KAT6B: variants seen among roughly 807,000 people sequenced by gnomAD.
The protein encoded by KAT6B is histone acetyltransferase KAT6B.
A neutral mutation model predicts 187.5 loss-of-function variants in KAT6B; 10 were observed. The observed-to-expected ratio is 0.05, with a 90% CI of 0.03 to 0.09. The LOEUF (loss-of-function observed/expected upper bound fraction) is 0.09, where lower values mean the gene tolerates loss of function less well. Among genes scored for constraint, KAT6B ranks in the 10% least tolerant of loss-of-function variants. KAT6B has a pLI of 1.00. For missense variants in KAT6B, 1,952 were observed against 2,558.9 expected, an observed-to-expected ratio of 0.76 and a Z score of 5.12; for synonymous variants, 861 against 926.8, an observed-to-expected ratio of 0.93 and a Z score of 1.29.
chr10:74,890,536 C>T (rs144817601), intron 3 of KAT6B, among the ~76,000 whole-genome samples: 3,092 of 152,076 alleles, frequency 0.02, 71 homozygotes, highest in Middle Eastern at 0.058. Context: ...AGCAAGACTC[C>T]GTCTCAAAAC....
intron 3 of KAT6B, among the ~76,000 whole-genome samples, chr10:74,928,089 A>G (rs1848628404): frequency 6.6e-6 from 1 of 152,204 alleles, no homozygotes; most frequent in South Asian, 2.1e-4. Flanking sequence ...GGAAAAGTAA[A>G]TTTCATTTTG....
chr10:74,912,353 T>C lies in KAT6B; in HGVS notation c.622-47617T>C, dbSNP rs935100159. ...AGATAGATGAAGGTTGAAGGATGGA[T>C]GGATAGATTAAATGGATGGATGGAT... is the stretch of plus-strand genomic sequence containing the variant. On this transcript the variant is annotated intron_variant, in intron 3 of 17. Coordinates refer to ENST00000287239, the MANE Select transcript of KAT6B (RefSeq NM_012330.4). Among the ~76,000 whole-genome samples the C allele has an allele frequency of 2.7e-5, 4 of 146,484 alleles. No individual in the cohort carries two copies. In the Admixed American group the frequency reaches 2.8e-4, roughly 10 times the overall value.
chr10:74,919,605 G>A lies in KAT6B; in HGVS notation c.622-40365G>A, dbSNP rs151080248. On this transcript the variant is annotated intron_variant, in intron 3 of 17. Coordinates refer to ENST00000287239, the MANE Select transcript of KAT6B (RefSeq NM_012330.4). ...TTTAGTAGAGATGGGATTTCATCATGTTGGCCAGGCTGGTCTTGAACTCCT... is the reference window on the plus strand; with the variant it reads ...TTTAGTAGAGATGGGATTTCATCATATTGGCCAGGCTGGTCTTGAACTCCT... Among the ~76,000 whole-genome samples the A allele has an allele frequency of 1.4e-3, 214 of 152,238 alleles. 1 individual carries two copies. The highest frequency in any genetic ancestry group is 4.5e-3 in the African/African-American group (187 of 41,560).
chr10:74,870,131 TAGAC>T (rs1017029135), intron 3 of KAT6B, among the ~76,000 whole-genome samples: 4 of 151,776 alleles, frequency 2.6e-5, no homozygotes, highest in Non-Finnish European at 5.9e-5. Context: ...ATACAAAAAT[TAGAC>T]AGGTGTGATG....
Position 75,029,584 on chromosome 10 carries a change from C to T in KAT6B, c.4760C>T (p.Thr1587Met), listed in dbSNP as rs145636342. 43 of 1,614,180 alleles carry T rather than the reference C, an allele frequency of 2.7e-5. No homozygotes were observed. In the African/African-American group the frequency reaches 2.8e-4, roughly 11 times the overall value. The change falls in exon 18 of 18, where the codon ACG (threonine) becomes ATG (methionine). Residue 1587 changes from threonine to methionine, a missense_variant. Thr to Met is a moderately conservative substitution (Grantham distance 81). This residue lies in a region of KAT6B where 758 missense variants were observed against 891.4 expected (regional missense o/e 0.85). Transcript: ENST00000287239. This position sits in a 1 kb window ranked among gnomAD's most constrained non-coding sequence, Gnocchi z 6.2. ...RADQSPQIAT[T>M]LDDCQQSDHS... Reference sequence around the variant, plus strand: ...GACCAAAGTCCACAGATTGCCACCACGCTCGACGATTGCCAACAGTCGGAC... The same window carrying T: ...GACCAAAGTCCACAGATTGCCACCATGCTCGACGATTGCCAACAGTCGGAC...
At chr10:74,896,431 C>T (rs1845993415) in intron 3 of KAT6B, among the ~76,000 whole-genome samples, 1 of 152,082 alleles carries the variant, frequency 6.6e-6, no homozygotes, top group Non-Finnish European at 1.5e-5. Flanking sequence ...GCCGGGACTA[C>T]AGGACACGCC....
At chr10:74,905,869 C>T in intron 3 of KAT6B, among the ~76,000 whole-genome samples, 1 of 152,176 alleles carries the variant, frequency 6.6e-6, no homozygotes, top group Admixed American at 6.5e-5. Context: ...CCACTCCTTC[C>T]ATCCATGCCT....
intron 3 of KAT6B, among the ~76,000 whole-genome samples, chr10:74,941,355 T>A (rs1849657868): frequency 6.6e-6 from 1 of 152,230 alleles, no homozygotes; most frequent in East Asian, 1.9e-4. Context: ...GAACCAACAT[T>A]TTCTGCCAAT....
chr10:74,887,551 C>T (rs1192684423), intron 3 of KAT6B, among the ~76,000 whole-genome samples: 1 of 152,106 alleles, frequency 6.6e-6, no homozygotes, highest in Non-Finnish European at 1.5e-5. Context: ...TCCTGAACTC[C>T]TGACCTCAGG....
upstream of KAT6B, among the ~76,000 whole-genome samples, chr10:74,825,858 A>C (rs1589417593): frequency 5.4e-5 from 3 of 55,622 alleles, no homozygotes; most frequent in East Asian, 9.9e-4. The surrounding 1 kb of genome is among the most constrained non-coding windows in gnomAD (Gnocchi z 5.0). Context: ...CTGGCAGGGT[A>C]GGGGTGTGTT....
At position 75,029,367 on chromosome 10, in the gene KAT6B, C is replaced by G. The variant is rs1415785635; in HGVS notation, c.4543C>G (p.Gln1515Glu). Residue 1515 changes from glutamine to glutamate, a missense_variant, in exon 18 of 18, where the codon CAG (glutamine) becomes GAG (glutamate). Physicochemically the swap from Gln to Glu is conservative, Grantham distance 29 (BLOSUM62 2). Around this residue, in one of 9 missense-constraint regions of KAT6B, gnomAD observed 758 missense variants for 891.4 expected, o/e 0.85. Transcript: ENST00000287239. This position sits in a 1 kb window ranked among gnomAD's most constrained non-coding sequence, Gnocchi z 6.2. ...EPPPGEQAQKQDQKNSKEVDT... is the reference protein window; with the variant it reads ...EPPPGEQAQKEDQKNSKEVDT... ...ACCCCCAGGAGAACAGGCACAGAAG[C>G]AGGACCAAAAGAACAGCAAGGAAGT... 6.2e-7 allele frequency: 1 copy of G among 1,614,092 alleles called. No homozygotes were observed. Among genetic ancestry groups the G allele is most frequent in the Non-Finnish European group, 8.5e-7 (1 of 1,180,030 alleles).
chr10:75,001,805 A>G (rs1285743816), intron 13 of KAT6B, among the ~76,000 whole-genome samples: 1 of 152,146 alleles, frequency 6.6e-6, no homozygotes, highest in Non-Finnish European at 1.5e-5. Context: ...AGGAGTTTTC[A>G]TTTAGAAGTC....
intron 3 of KAT6B, among the ~76,000 whole-genome samples, chr10:74,846,688 T>A (rs369832665): frequency 2.5e-4 from 38 of 152,178 alleles, no homozygotes; most frequent in African/African-American, 9.2e-4. Context: ...CCACCTGCCT[T>A]AGCCTCCCAA....
chr10:74,943,776 T>TA (rs1849873982), intron 3 of KAT6B, among the ~76,000 whole-genome samples: 1 of 152,180 alleles, frequency 6.6e-6, no homozygotes, highest in African/African-American at 2.4e-5. Flanking sequence ...GAAAAATCGA[T>TA]AAATGGCACT....
intron 2 of KAT6B, among the ~76,000 whole-genome samples, chr10:74,839,473 C>A (rs1331675689): frequency 1.3e-5 from 2 of 151,992 alleles, no homozygotes; most frequent in African/African-American, 2.4e-5. Flanking sequence ...CTTGGGTGAT[C>A]CACCCGCCTT....
At chr10:75,025,512 A>C (rs999754923) in intron 17 of KAT6B, 6 of 411,734 alleles carry the variant, frequency 1.5e-5, no homozygotes, top group Non-Finnish European at 2.2e-5. Flanking sequence ...GCTTATCCCC[A>C]AAAACTTTGA....
At chr10:75,000,979 T>C (rs892657992) in intron 13 of KAT6B, among the ~76,000 whole-genome samples, 1 of 152,126 alleles carries the variant, frequency 6.6e-6, no homozygotes, top group African/African-American at 2.4e-5. Context: ...GGTTATGAAT[T>C]TGGCTCTTGT....
In KAT6B at chr10:74,960,040, CAGA is replaced by C; in HGVS notation, c.697_699del (p.Glu233del). Reference sequence around the variant, plus strand: ...AAAGAATCAAATCGTGAAAAGAAACCAGAAGAACTCCTCTCTTGTGCAGATTGT... The same window carrying C: ...AAAGAATCAAATCGTGAAAAGAAACCAGAACTCCTCTCTTGTGCAGATTGT... On this transcript the variant is annotated inframe_deletion, in exon 4 of 18. Coordinates refer to ENST00000287239, the MANE Select transcript of KAT6B (RefSeq NM_012330.4). 6.2e-7 allele frequency: 1 copy of C among 1,613,090 alleles called. No homozygotes were observed. The highest frequency in any genetic ancestry group is 8.5e-7 in the Non-Finnish European group (1 of 1,179,174).
chr10:74,870,884 GTT>G (rs796788129), intron 3 of KAT6B, among the ~76,000 whole-genome samples: 3 of 107,940 alleles, frequency 2.8e-5, no homozygotes, highest in Non-Finnish European at 2.0e-5. Context: ...GCGTTTTTTT[GTT>G]TTTTTTTTTG....
Sources: allele counts gnomAD v4.1 joint callset (sites outside exome capture counted in the v4.1 genomes callset), GRCh38; gene constraint gnomAD v4.1.1; regional missense constraint gnomAD v4.1.1; non-coding constraint Gnocchi (gnomAD v3.1); transcripts MANE v1.5; gene names NCBI Gene and HGNC (gene_info 2026-07-23, HGNC 2026-07-21).